EVI5: variants seen among roughly 807,000 people sequenced by gnomAD.
EVI5 encodes the protein ecotropic viral integration site 5, also known as ecotropic viral integration site 5 protein homolog.
A neutral mutation model predicts 112.0 loss-of-function variants in EVI5; 73 were observed. The observed-to-expected ratio is 0.65, with a 90% CI of 0.54 to 0.79. EVI5 has a LOEUF of 0.79. Ranked by LOEUF, EVI5 falls within the 30% of genes least tolerant of loss-of-function variation. EVI5 has a pLI of 0.00. For synonymous variants in EVI5, 305 were observed against 319.9 expected, an observed-to-expected ratio of 0.95 and a Z score of 0.50; for missense variants, 900 against 968.8, an observed-to-expected ratio of 0.93 and a Z score of 0.94.
At chr1:92,614,397 T>C (rs1448566918) in intron 16 of EVI5, among the ~76,000 whole-genome samples, 2 of 152,192 alleles carry the variant, frequency 1.3e-5, no homozygotes, top group East Asian at 1.9e-4. Flanking sequence ...ATATCTGTGA[T>C]GGTTAATACT....
At chr1:92,562,833 A>G (rs1668841760) in intron 19 of EVI5, among the ~76,000 whole-genome samples, 1 of 152,166 alleles carries the variant, frequency 6.6e-6, no homozygotes, top group Admixed American at 6.5e-5. Flanking sequence ...TGAGGTTTAA[A>G]TTCATCTAGT....
At chr1:92,636,164 C>T in intron 14 of EVI5, 38 bp downstream of exon 14, 2 of 1,562,796 alleles carry the variant, frequency 1.3e-6, no homozygotes, top group Admixed American at 1.8e-5. Context: ...CATATCCCCT[C>T]TAATTTGGGA....
chr1:92,782,190 C>T (rs775268801), intron 1 of EVI5, among the ~76,000 whole-genome samples: 2 of 151,266 alleles, frequency 1.3e-5, no homozygotes, highest in South Asian at 2.1e-4. Flanking sequence ...ACCCGGGAGG[C>T]GAGGGTGCAG....
At chr1:92,669,555 A>AAAAAAAAAAAAAAAAAAAAAAAAAAAAAC (rs1183861658) in intron 10 of EVI5, among the ~76,000 whole-genome samples, 1 of 150,120 alleles carries the variant, frequency 6.7e-6, no homozygotes, top group African/African-American at 2.4e-5. Flanking sequence ...CTCAAAAAAA[A>AAAAAAAAAAAAAAAAAAAAAAAAAAAAAC]AAAAAATCAC....
At chr1:92,625,598 TTATTA>T (rs1263190805) in intron 15 of EVI5, 191 bp downstream of exon 15, 1 of 473,044 alleles carries the variant, frequency 2.1e-6, no homozygotes, top group Admixed American at 3.5e-5. Context: ...ATCTTTTATT[TTATTA>T]TAAGAATTAA....
intron 18 of EVI5, among the ~76,000 whole-genome samples, chr1:92,567,502 C>T (rs1310697622): frequency 1.3e-5 from 2 of 152,092 alleles, no homozygotes; most frequent in African/African-American, 4.8e-5. Context: ...TTTTACTGTA[C>T]CTCTTCTATG....
At chr1:92,771,194 G>C (rs946195636) in intron 1 of EVI5, among the ~76,000 whole-genome samples, 1 of 152,022 alleles carries the variant, frequency 6.6e-6, no homozygotes, top group African/African-American at 2.4e-5. Flanking sequence ...TTTAACTTCT[G>C]TTAAATCACT....
chr1:92,618,974 A>T (rs1653874386), intron 16 of EVI5, among the ~76,000 whole-genome samples: 1 of 152,180 alleles, frequency 6.6e-6, no homozygotes. Context: ...GGATAGTTGT[A>T]TTATGTTAGG....
At chr1:92,646,727 T>G (rs1206616722) in intron 13 of EVI5, among the ~76,000 whole-genome samples, 1 of 152,216 alleles carries the variant, frequency 6.6e-6, no homozygotes, top group African/African-American at 2.4e-5. Flanking sequence ...GTCAGAAATA[T>G]CTTTAAATGC....
chr1:92,632,912 T>G (rs1479832122), intron 14 of EVI5, among the ~76,000 whole-genome samples: 1 of 152,258 alleles, frequency 6.6e-6, no homozygotes, highest in Non-Finnish European at 1.5e-5. Flanking sequence ...TCTTTATTTC[T>G]GCCTTCATTT....
intron 2 of EVI5, among the ~76,000 whole-genome samples, chr1:92,707,343 T>C (rs1289261502): frequency 1.3e-5 from 2 of 151,860 alleles, no homozygotes; most frequent in East Asian, 3.9e-4. Flanking sequence ...AAAGATACTA[T>C]TTTAAAAATG....
intron 18 of EVI5, among the ~76,000 whole-genome samples, chr1:92,572,420 G>T (rs28716853): frequency 0.019 from 2,939 of 152,148 alleles, 116 homozygotes; most frequent in African/African-American, 0.067. Context: ...AATACTGGGA[G>T]GAAAAGTTAT....
Position 92,625,852 on chromosome 1 carries a change from G to A in EVI5, c.1610C>T (p.Ala537Val), listed in dbSNP as rs1557931063. 3.1e-6 allele frequency: 5 copies of A among 1,612,160 alleles called. No individual in the cohort carries two copies. The highest frequency in any genetic ancestry group is 1.7e-5 in the Admixed American group (1 of 60,000). ...TCTAAGTTCTTTCAAACCCATAATG[G>A]CTTCTGCTTCTCTAAGTTTCACAGC... The part of the protein sequence containing the change: ...LIAVKLREAE[A>V]IMGLKELRQQ... Residue 537 changes from alanine (A) to valine (V), a missense_variant, in exon 15 of 20, where the codon GCC becomes GTC. By Grantham distance (64) the Ala-to-Val change is moderately conservative. Coordinates refer to ENST00000684568, the MANE Select transcript of EVI5 (RefSeq NM_001350197.2).
intron 2 of EVI5, among the ~76,000 whole-genome samples, chr1:92,708,009 G>A (rs373845941): frequency 3.9e-5 from 6 of 152,022 alleles, no homozygotes; most frequent in East Asian, 1.9e-4. Context: ...GAGTACATAC[G>A]ATATGATTCC....
chr1:92,673,683 T>A (rs1030123512), intron 10 of EVI5, among the ~76,000 whole-genome samples: 8 of 152,088 alleles, frequency 5.3e-5, no homozygotes, highest in African/African-American at 1.9e-4. Context: ...AGAACATCAA[T>A]AGACTGGAAG....
At chr1:92,774,621 A>G (rs1316007874) in intron 1 of EVI5, among the ~76,000 whole-genome samples, 1 of 152,214 alleles carries the variant, frequency 6.6e-6, no homozygotes, top group African/African-American at 2.4e-5. Flanking sequence ...CAGTTACTTA[A>G]GAGGAGTCCT....
At position 92,703,443 on chromosome 1, in the gene EVI5, A is replaced by T; in HGVS notation, c.516T>A (p.Phe172Leu). The change falls in exon 4 of 20, where the codon TTT becomes TTA. Residue 172 changes from phenylalanine to leucine, a missense_variant. Transcript: ENST00000684568. ...CCTGTCCAAGGCTATCTTTTTCCTT[A>T]AAAAAGTTGTGTTCAGGGTAAGTTC... ...IARTYPEHNF[F>L]KEKDSLGQEV... 1 of 1,587,392 alleles carries T rather than the reference A, an allele frequency of 6.3e-7. No individual in the cohort carries two copies. Among genetic ancestry groups the T allele is most frequent in the Non-Finnish European group, 8.5e-7 (1 of 1,172,728 alleles).
intron 1 of EVI5, among the ~76,000 whole-genome samples, chr1:92,784,012 T>C (rs569764922): frequency 1.3e-5 from 2 of 152,264 alleles, no homozygotes; most frequent in South Asian, 4.1e-4. Flanking sequence ...AGTTTATTAT[T>C]CAACACTGTA....
At chr1:92,553,372 G>A (rs1255964481) in intron 19 of EVI5, among the ~76,000 whole-genome samples, 4 of 139,000 alleles carry the variant, frequency 2.9e-5, no homozygotes, top group Admixed American at 1.7e-4. Context: ...GCACAATCTC[G>A]GCTCGCTGCA....
Sources: gnomAD v4.1 joint callset for allele counts (sites outside exome capture counted in the v4.1 genomes callset) on GRCh38, gnomAD v4.1.1 for gene constraint, MANE v1.5 for transcripts, NCBI Gene and HGNC (gene_info 2026-07-23, HGNC 2026-07-21) for gene names.